Variants in ANGPTL1 observed in about 807,000 individuals in gnomAD.
ANGPTL1 encodes the protein angiopoietin like 1.
Under a neutral mutation model 46.7 loss-of-function variants are expected in ANGPTL1, and 36 were observed. That is an observed-to-expected ratio of 0.77 (90% CI 0.59 to 1.02). ANGPTL1 has a LOEUF of 1.02. Among genes scored for constraint, ANGPTL1 ranks in the 50% least tolerant of loss-of-function variants. ANGPTL1 has a pLI of 0.00. For missense variants in ANGPTL1, 571 were observed against 594.7 expected (o/e 0.96, Z 0.41); for synonymous variants, 221 against 204.3 (o/e 1.08, Z -0.69).
rs1204157222 is a variant in ANGPTL1 at position 178,865,647 on chromosome 1, C to G, written c.130G>C (p.Glu44Gln). ...RRYPRATDGK[E>Q]EAKKCAYTFL... ...GTGTATGCACATTTCTTTGCTTCCT[C>G]TTTACCATCTGTGGCACGAGGGTAT... The change falls in exon 3 of 6, where the codon GAG (glutamate) becomes CAG (glutamine). Residue 44 changes from glutamate (E) to glutamine (Q), a missense_variant. By Grantham distance (29) the Glu-to-Gln change is conservative. Transcript: ENST00000234816. 3 of 1,614,028 alleles carry G rather than the reference C, an allele frequency of 1.9e-6. No homozygotes were observed. The highest frequency in any genetic ancestry group is 2.2e-5 in the South Asian group (2 of 91,074).
rs1372181069 is a variant in ANGPTL1, at chr1:178,850,713, A to G, written c.*416T>C. ...TCCCTAATTTTCTGTCTGTATTTTT[A>G]TAAATAAAATGCATTATTTGGCTGA... On this transcript the variant is annotated 3_prime_UTR_variant, in exon 6 of 6. Coordinates refer to ENST00000234816, the MANE Select transcript of ANGPTL1 (RefSeq NM_004673.4). 1 of 152,902 alleles carries G rather than the reference A, an allele frequency of 6.5e-6. No individual in the cohort carries two copies. Among genetic ancestry groups the G allele is most frequent in the Non-Finnish European group, 1.5e-5 (1 of 68,402 alleles). 9.5% of individuals were successfully genotyped at this position (152,902 alleles called of 1,614,324 possible). A position where few individuals can be genotyped will look rare whatever the true frequency, so the allele number is the denominator to read the frequency against.
intron 2 of ANGPTL1, among the ~76,000 whole-genome samples, chr1:178,867,071 G>A (rs1658460651): frequency 6.6e-6 from 1 of 152,046 alleles, no homozygotes; most frequent in Non-Finnish European, 1.5e-5. Context: ...CTAAGACAGA[G>A]CTTTTCTGTC....
rs1165889391 is a variant in ANGPTL1 at position 178,865,435 on chromosome 1, A to C, written c.342T>G (p.Asn114Lys). ...TTTCCTTTCTCAGCAGCTTTACCTC[A>C]TTCACAATGTTTCCATCTACATCCA... The part of the protein sequence containing the change: ...LVVDVDGNIV[N>K]EVKLLRKESR... Residue 114 changes from asparagine to lysine, a missense_variant, in exon 3 of 6, where the codon AAT (asparagine) becomes AAG (lysine). Physicochemically the swap from Asn to Lys is moderately conservative, Grantham distance 94. Coordinates refer to ENST00000234816, the MANE Select transcript of ANGPTL1 (RefSeq NM_004673.4). 1 of 1,613,988 alleles carries C rather than the reference A, an allele frequency of 6.2e-7. No homozygotes were observed. Among genetic ancestry groups the C allele is most frequent in the Admixed American group, 1.7e-5 (1 of 60,018 alleles).
At chr1:178,865,848 A>C in intron 2 of ANGPTL1, 46 bp from the exon 3 acceptor site, 1 of 1,164,348 alleles carries the variant, frequency 8.6e-7, no homozygotes, top group African/African-American at 1.6e-5. Context: ...AAAAGAATTC[A>C]TATTAATCTA....
intron 3 of ANGPTL1, among the ~76,000 whole-genome samples, chr1:178,864,357 A>G (rs1658239807): frequency 6.6e-6 from 1 of 152,120 alleles, no homozygotes. Context: ...TAGGAGGGAT[A>G]CCTTTTCTTG....
intron 3 of ANGPTL1, among the ~76,000 whole-genome samples, chr1:178,858,100 T>C (rs561450548): frequency 1.3e-5 from 2 of 152,302 alleles, no homozygotes; most frequent in Middle Eastern, 3.4e-3. Context: ...CCAGAACATA[T>C]GGATAAAATT....
At chr1:178,853,058 T>C (rs1657290171) in intron 4 of ANGPTL1, 105 bp from the exon 5 acceptor site, 1 of 1,472,338 alleles carries the variant, frequency 6.8e-7, no homozygotes, top group Non-Finnish European at 9.0e-7. Flanking sequence ...ACTGGCCATT[T>C]AAGTGGTAAT....
Position 178,851,195 on chromosome 1 carries a change from C to G in ANGPTL1, c.1410G>C (p.Trp470Cys). 6.2e-7 allele frequency: 1 copy of G among 1,613,948 alleles called. No individual in the cohort carries two copies. Among genetic ancestry groups the G allele is most frequent in the Non-Finnish European group, 8.5e-7 (1 of 1,179,916 alleles). Reference sequence around the variant, plus strand: ...AGTATGACCCGCCTCTGTATTCGGCCCAGAAAATTCCATCTTGGTGCTTGC... The same window carrying G: ...AGTATGACCCGCCTCTGTATTCGGCGCAGAAAATTCCATCTTGGTGCTTGC... Reference protein sequence around the residue: ...YRSKHQDGIFWAEYRGGSYSL... With the variant: ...YRSKHQDGIFCAEYRGGSYSL... Residue 470 changes from tryptophan (W) to cysteine (C), a missense_variant, in exon 6 of 6, where the codon TGG becomes TGC. Trp to Cys is a radical substitution (Grantham distance 215). Transcript: ENST00000234816.
At position 178,864,994 on chromosome 1, in the gene ANGPTL1, T is replaced by G. The variant is rs774519362; in HGVS notation, c.783A>C (p.Lys261Asn). ...PPPDLATSPT[K>N]SPFKIPPVTF... ...TTACCGGTGGTATCTTGAAAGGGCTTTTGGTGGGAGAAGTTGCCAGATCAG... is the reference window on the plus strand; with the variant it reads ...TTACCGGTGGTATCTTGAAAGGGCTGTTGGTGGGAGAAGTTGCCAGATCAG... Residue 261 changes from lysine to asparagine, a missense_variant, in exon 3 of 6, where the codon AAA becomes AAC. Transcript: ENST00000234816. 18 of 1,470,044 alleles carry G rather than the reference T, an allele frequency of 1.2e-5. No homozygotes were observed. The highest frequency in any genetic ancestry group is 9.0e-7 in the Non-Finnish European group (1 of 1,110,580). 91.1% of individuals were successfully genotyped at this position (1,470,044 alleles called of 1,614,324 possible).
intron 3 of ANGPTL1, among the ~76,000 whole-genome samples, chr1:178,855,962 TATA>T (rs1657510095): frequency 6.7e-6 from 1 of 148,492 alleles, no homozygotes; most frequent in African/African-American, 2.4e-5. Flanking sequence ...TAATATCTAA[TATA>T]AGAACAAAAA....
chr1:178,852,990 G>A (rs765449284), intron 4 of ANGPTL1, 37 bp from the exon 5 acceptor site: 1 of 1,561,230 alleles, frequency 6.4e-7, no homozygotes, highest in Non-Finnish European at 8.6e-7. Flanking sequence ...GCATAAATAA[G>A]TATAGAGATA....
chr1:178,865,588 T>C lies in ANGPTL1; in HGVS notation c.189A>G (p.Pro63=). The C allele has an allele frequency of 6.2e-7, 1 of 1,614,094 alleles. No individual in the cohort carries two copies. Among genetic ancestry groups the C allele is most frequent in the Non-Finnish European group, 8.5e-7 (1 of 1,179,970 alleles). Residue 63 remains proline (P), a synonymous_variant, in exon 3 of 6, where the codon CCA becomes CCG. Transcript: ENST00000234816. ...CTTGCCCCTTGGTGTTGACACAGAT[T>C]GGCCCTGTTATTCTTTGTTCAGGTA... ...FLVPEQRITG[P]ICVNTKGQDA... is the part of the protein sequence containing the mutation.
In ANGPTL1 at chr1:178,851,185, T is replaced by C. The variant is rs1158438181; in HGVS notation, c.1420A>G (p.Arg474Gly). 5 of 1,614,052 alleles carry C rather than the reference T, an allele frequency of 3.1e-6. No homozygotes were observed. In the Admixed American group the frequency reaches 8.3e-5, roughly 27 times the overall value. Reference protein sequence around the residue: ...HQDGIFWAEYRGGSYSLRAVQ... With the variant: ...HQDGIFWAEYGGGSYSLRAVQ... ...GCTCTTAAGGAGTATGACCCGCCTC[T>C]GTATTCGGCCCAGAAAATTCCATCT... The change falls in exon 6 of 6, where the codon AGA (arginine) becomes GGA (glycine). Residue 474 changes from arginine to glycine, a missense_variant. Coordinates refer to ENST00000234816, the MANE Select transcript of ANGPTL1 (RefSeq NM_004673.4).
intron 1 of ANGPTL1, among the ~76,000 whole-genome samples, chr1:178,869,540 C>T (rs1049900330): frequency 1.3e-5 from 2 of 152,048 alleles, no homozygotes; most frequent in Non-Finnish European, 2.9e-5. Context: ...TCCTGCACTT[C>T]CCATAGCATG....
At chr1:178,853,071 G>T in intron 4 of ANGPTL1, 118 bp from the exon 5 acceptor site, 1 of 1,453,568 alleles carries the variant, frequency 6.9e-7, no homozygotes, top group Non-Finnish European at 9.0e-7. Context: ...GTGGTAATGT[G>T]AGCTTCCATT....
rs569779866 is a variant in ANGPTL1, at chr1:178,865,693, A to C, written c.84T>G (p.Ile28Met). The change falls in exon 3 of 6, where the codon ATT becomes ATG. Residue 28 changes from isoleucine (I) to methionine (M), a missense_variant. By Grantham distance (10) the Ile-to-Met change is conservative. Transcript: ENST00000234816. Reference protein sequence around the residue: ...TGHCRGGQFKIKKINQRRYPR... With the variant: ...TGHCRGGQFKMKKINQRRYPR... Reference sequence around the variant, plus strand: ...GGTATCTTCTCTGGTTTATTTTTTTAATTTTGAATTGTCCACCTCTGCAAT... The same window carrying C: ...GGTATCTTCTCTGGTTTATTTTTTTCATTTTGAATTGTCCACCTCTGCAAT... The C allele has an allele frequency of 3.7e-6, 6 of 1,613,844 alleles. No homozygotes were observed. The South Asian group carries it at 6.6e-5, about 18-fold the overall frequency.
At chr1:178,861,417 C>G (rs562761085) in intron 3 of ANGPTL1, among the ~76,000 whole-genome samples, 12 of 150,206 alleles carry the variant, frequency 8.0e-5, no homozygotes, top group Non-Finnish European at 1.8e-4. Flanking sequence ...TACTAAATCC[C>G]TAATATGAGG....
intron 3 of ANGPTL1, among the ~76,000 whole-genome samples, chr1:178,859,401 C>CTTTTTTTTTT: frequency 8.1e-6 from 1 of 122,900 alleles, no homozygotes; most frequent in Non-Finnish European, 1.7e-5. Flanking sequence ...CCAAGTTTAA[C>CTTTTTTTTTT]TTTTTTTTTT....
Position 178,851,041 on chromosome 1 carries a change from G to T in ANGPTL1, c.*88C>A. ...AAAACTTTCTGTGTAGAAATAAATT[G>T]TGCCAAGTAATATACATGTAACATT... On this transcript the variant is annotated 3_prime_UTR_variant, in exon 6 of 6. Coordinates refer to ENST00000234816, the MANE Select transcript of ANGPTL1 (RefSeq NM_004673.4). 2 of 1,222,096 alleles carry T rather than the reference G, an allele frequency of 1.6e-6. No individual in the cohort carries two copies. The highest frequency in any genetic ancestry group is 2.2e-6 in the Non-Finnish European group (2 of 904,098). The allele number at this position is 1,222,096 out of a possible 1,614,324, so 75.7% of individuals were successfully genotyped here.
Sources: allele counts gnomAD v4.1 joint callset (sites outside exome capture counted in the v4.1 genomes callset), GRCh38; gene constraint gnomAD v4.1.1; transcripts MANE v1.5; gene names NCBI Gene and HGNC (gene_info 2026-07-23, HGNC 2026-07-21).